DAB1: variants seen among roughly 807,000 people sequenced by gnomAD.
DAB1 encodes disabled homolog 1.
In DAB1, 15 loss-of-function variants were observed where a neutral mutation model predicts 64.6. The observed-to-expected ratio is 0.23, with a 90% CI of 0.16 to 0.36. DAB1 has a LOEUF of 0.36. DAB1 is among the 10% of genes least tolerant of loss of function. DAB1 has a pLI of 1.00. For missense variants in DAB1, 596 were observed against 706.7 expected, an observed-to-expected ratio of 0.84 and a Z score of 1.78; for synonymous variants, 235 against 251.9, an observed-to-expected ratio of 0.93 and a Z score of 0.64.
Position 58,368,051 on chromosome 1 carries a change from A to G in DAB1, n.258-24648T>C, listed in dbSNP as rs77542795. Among the ~76,000 whole-genome samples the G allele has an allele frequency of 7.7e-3, 1,166 of 152,324 alleles. 18 individuals are homozygous for G. The highest frequency in any genetic ancestry group is 0.026 in the African/African-American group (1,097 of 41,546). On this transcript the variant is annotated intron_variant and non_coding_transcript_variant, in intron 3 of 20. Transcript: ENST00000485760. ...AAGGATAGAAGGAATGGTCTGTGTC[A>G]CTATAACTACCCCAGTGACACACTT...
At chr1:57,109,261 T>A (rs1333386635) in intron 4 of DAB1, among the ~76,000 whole-genome samples, 1 of 152,242 alleles carries the variant, frequency 6.6e-6, no homozygotes, top group African/African-American at 2.4e-5. Flanking sequence ...GACTTTGTCC[T>A]CTTCTCCTCT....
chr1:57,386,386 A>AAG (rs548332875), intron 1 of DAB1, among the ~76,000 whole-genome samples: 23 of 144,302 alleles, frequency 1.6e-4, no homozygotes, highest in South Asian at 1.1e-3. Context: ...AAAAAAAAAA[A>AAG]ACCCGTCTTT....
chr1:58,321,189 T>C (rs1472448099), intron 4 of DAB1, among the ~76,000 whole-genome samples: 2 of 152,238 alleles, frequency 1.3e-5, no homozygotes, highest in Non-Finnish European at 1.5e-5. Flanking sequence ...CTCCAATTTA[T>C]ACACTTAGAA....
intron 4 of DAB1, among the ~76,000 whole-genome samples, chr1:58,214,731 T>C (rs1056820959): frequency 2.0e-5 from 3 of 152,234 alleles, no homozygotes; most frequent in African/African-American, 4.8e-5. Flanking sequence ...AACAATATTT[T>C]TGCAACATTT....
chr1:57,627,560 C>T (rs1005420953), intron 7 of DAB1, among the ~76,000 whole-genome samples: 1 of 152,180 alleles, frequency 6.6e-6, no homozygotes, highest in African/African-American at 2.4e-5. Flanking sequence ...TACTAGACAA[C>T]TTGTAATGGA....
At chr1:57,892,849 T>C (rs1005166056) in intron 5 of DAB1, among the ~76,000 whole-genome samples, 1 of 152,188 alleles carries the variant, frequency 6.6e-6, no homozygotes, top group Non-Finnish European at 1.5e-5. Context: ...TCCAAACTGT[T>C]GAAACTGCAG....
chr1:58,305,935 A>G (rs1420421017), intron 4 of DAB1, among the ~76,000 whole-genome samples: 2 of 152,204 alleles, frequency 1.3e-5, no homozygotes, highest in Non-Finnish European at 2.9e-5. Flanking sequence ...GTCTTTCCAC[A>G]GTTCCAGTGA....
intron 5 of DAB1, among the ~76,000 whole-genome samples, chr1:57,986,059 A>G (rs1646209802): frequency 6.6e-6 from 1 of 152,192 alleles, no homozygotes; most frequent in Non-Finnish European, 1.5e-5. Flanking sequence ...TAGGCATTCA[A>G]TACCCTTCAC....
At chr1:57,895,078 C>CT (rs1644373364) in intron 5 of DAB1, among the ~76,000 whole-genome samples, 6 of 148,004 alleles carry the variant, frequency 4.1e-5, no homozygotes, top group Admixed American at 2.7e-4. Context: ...CCTTTGAAAG[C>CT]TAAAAAAAAA....
chr1:57,670,647 C>A (rs148368672), intron 6 of DAB1, among the ~76,000 whole-genome samples: 35 of 152,146 alleles, frequency 2.3e-4, no homozygotes, highest in African/African-American at 8.4e-4. Flanking sequence ...ACATAAAATC[C>A]TATTGCCTAA....
At chr1:57,172,321 G>A (rs1661853807) in intron 2 of DAB1, among the ~76,000 whole-genome samples, 1 of 152,174 alleles carries the variant, frequency 6.6e-6, no homozygotes, top group African/African-American at 2.4e-5. Context: ...TGCAACCCAT[G>A]CCACAGGTGC....
chr1:58,126,459 T>TC (rs1653092998), intron 5 of DAB1, among the ~76,000 whole-genome samples: 1 of 97,506 alleles, frequency 1.0e-5, no homozygotes, highest in Admixed American at 8.9e-5. Context: ...TTTTTTCTTT[T>TC]TTTTTTTTTA....
At chr1:58,283,931 G>A (rs1324686126) in intron 4 of DAB1, among the ~76,000 whole-genome samples, 1 of 152,196 alleles carries the variant, frequency 6.6e-6, no homozygotes, top group East Asian at 1.9e-4. Context: ...CTCAGTGTAC[G>A]TGTTTAATAC....
intron 6 of DAB1, among the ~76,000 whole-genome samples, chr1:57,785,261 A>T (rs139980854): frequency 6.6e-6 from 1 of 152,182 alleles, no homozygotes; most frequent in Non-Finnish European, 1.5e-5. Flanking sequence ...TCTGATGGAT[A>T]TGTGCAAGGA....
Position 57,115,574 on chromosome 1 carries a change from T to C in DAB1, c.306+20969A>G, listed in dbSNP as rs1176476531. On this transcript the variant is annotated intron_variant, in intron 4 of 14. Transcript: ENST00000371236. ...GTTCTTAAATTTTATTTTATTGTGATTAATTTAAATTTAAATCTAAATAGT... is the reference window on the plus strand; with the variant it reads ...GTTCTTAAATTTTATTTTATTGTGACTAATTTAAATTTAAATCTAAATAGT... Among the ~76,000 whole-genome samples the C allele has an allele frequency of 3.3e-5, 5 of 152,332 alleles. No individual in the cohort carries two copies. The East Asian group carries it at 9.7e-4, about 29-fold the overall frequency.
At chr1:57,016,191 T>C (rs755618722) in intron 11 of DAB1, among the ~76,000 whole-genome samples, 18 of 152,208 alleles carry the variant, frequency 1.2e-4, no homozygotes, top group Non-Finnish European at 2.1e-4. Context: ...AGTTACTTAT[T>C]ACGTTGCTTA....
chr1:57,581,185 C>T (rs1238363590), intron 7 of DAB1, among the ~76,000 whole-genome samples: 1 of 152,098 alleles, frequency 6.6e-6, no homozygotes, highest in Non-Finnish European at 1.5e-5. Context: ...AATTTCTTCA[C>T]TTGACAAAGG....
chr1:57,086,647 ACACACAC>A (rs1179624187), intron 4 of DAB1, among the ~76,000 whole-genome samples: 2 of 117,110 alleles, frequency 1.7e-5, no homozygotes, highest in East Asian at 4.5e-4. Flanking sequence ...TGTCTTAAAC[ACACACAC>A]ACACACACAC....
chr1:57,274,255 C>T (rs1671278103), intron 2 of DAB1, among the ~76,000 whole-genome samples: 1 of 152,156 alleles, frequency 6.6e-6, no homozygotes, highest in African/African-American at 2.4e-5. Flanking sequence ...TCTTATAAAG[C>T]AGAGATACTA....
Sources: allele counts gnomAD v4.1 joint callset (sites outside exome capture counted in the v4.1 genomes callset), GRCh38; gene constraint gnomAD v4.1.1; transcripts MANE v1.5; gene names NCBI Gene and HGNC (gene_info 2026-07-23, HGNC 2026-07-21).